The following KARS1 variants were observed in gnomAD, a reference collection of about 807,000 sequenced individuals.
KARS1 encodes the protein lysine--tRNA ligase.
A neutral mutation model predicts 63.9 loss-of-function variants in KARS1; 50 were observed. The ratio of observed to expected loss-of-function variants is 0.78; its 90% CI spans 0.62 to 0.99. KARS1 has a LOEUF of 0.99. Ranked by LOEUF, KARS1 falls within the 50% of genes least tolerant of loss-of-function variation. The probability of loss-of-function intolerance (pLI) is 0.00; values close to 1 mark genes in which losing one functional copy is unlikely to be tolerated. For synonymous variants in KARS1, 320 were observed against 264.6 expected (o/e 1.21, Z -2.03); for missense variants, 816 against 754.5 (o/e 1.08, Z -0.95).
In KARS1 at chr16:75,631,813, G is replaced by A. The variant is rs2082117838; in HGVS notation, c.958C>T (p.Arg320Cys). The A allele has an allele frequency of 3.7e-6, 6 of 1,614,066 alleles. No individual in the cohort carries two copies. The highest frequency in any genetic ancestry group is 5.1e-6 in the Non-Finnish European group (6 of 1,180,010). Residue 320 changes from arginine (R) to cysteine (C), a missense_variant, in exon 8 of 14, where the codon CGC becomes TGC. By Grantham distance (180) the Arg-to-Cys change is radical. Transcript: ENST00000302445. ...TCAATCCCCTCATTCCGGAACTGGCGTCCAATTTCATAAACCCGGTCGATG... is the reference window on the plus strand; with the variant it reads ...TCAATCCCCTCATTCCGGAACTGGCATCCAATTTCATAAACCCGGTCGATG... ...GGIDRVYEIG[R>C]QFRNEGIDLT...
At chr16:75,631,935 T>A in intron 7 of KARS1, 80 bp from the exon 8 acceptor site, 2 of 1,514,698 alleles carry the variant, frequency 1.3e-6, no homozygotes, top group Non-Finnish European at 1.8e-6. Context: ...TTGCCTAGGC[T>A]GGAGTGCAAT....
At chr16:75,637,392 T>A (rs1456955437) in intron 3 of KARS1, among the ~76,000 whole-genome samples, 1 of 151,948 alleles carries the variant, frequency 6.6e-6, no homozygotes, top group African/African-American at 2.4e-5. Context: ...CTGGAAAATG[T>A]GAACCTTTTC....
In KARS1 at chr16:75,634,258, C is replaced by T. The variant is rs1319562499; in HGVS notation, c.830G>A (p.Gly277Glu). The T allele has an allele frequency of 2.5e-6, 4 of 1,613,766 alleles. No homozygotes were observed. Among genetic ancestry groups the T allele is most frequent in the African/African-American group, 1.3e-5 (1 of 74,908 alleles). ...ETPMMNIIPG[G>E]AVAKPFITYH... is the part of the protein sequence containing the mutation. ...AGTGATGAAAGGCTTGGCCACGGCT[C>T]CCCCTGGGATGATGTTCATCATGGG... Residue 277 changes from glycine (G) to glutamate (E), a missense_variant, in exon 7 of 14, where the codon GGA becomes GAA. Gly to Glu is a moderately conservative substitution (Grantham distance 98, BLOSUM62 -2). Transcript: ENST00000302445.
At chr16:75,647,453 C>G in intron 1 of KARS1, 125 bp downstream of exon 1, 1 of 892,632 alleles carries the variant, frequency 1.1e-6, no homozygotes, top group South Asian at 1.4e-5. Context: ...CACGTCTCAG[C>G]ATGTGCGTAC....
chr16:75,641,057 T>G (rs1475267680), intron 2 of KARS1, among the ~76,000 whole-genome samples: 1 of 151,976 alleles, frequency 6.6e-6, no homozygotes, highest in Admixed American at 6.6e-5. Flanking sequence ...TAATACCAGT[T>G]ACTTGGGAGG....
intron 1 of KARS1, among the ~76,000 whole-genome samples, chr16:75,646,374 C>G (rs771728133): frequency 4.6e-5 from 7 of 151,926 alleles, no homozygotes; most frequent in Non-Finnish European, 1.0e-4. Flanking sequence ...AACCCTGTCT[C>G]TACTAAAAAT....
rs78654839 is a variant in KARS1 at position 75,627,869 on chromosome 16, G to A, written c.*26C>T. On this transcript the variant is annotated 3_prime_UTR_variant, in exon 14 of 14. Coordinates refer to ENST00000302445, the MANE Select transcript of KARS1 (RefSeq NM_005548.3). ...TTCGCAGAAATGCAAAGACGCCTGA[G>A]TTATACAACTTGCAATTATTATTTT... 38 of 1,293,424 alleles carry A rather than the reference G, an allele frequency of 2.9e-5. No homozygotes were observed. The South Asian group carries it at 3.9e-4, about 13-fold the overall frequency. 80.1% of individuals were successfully genotyped at this position (1,293,424 alleles called of 1,614,324 possible). A position where few individuals can be genotyped will look rare whatever the true frequency, so the allele number is the denominator to read the frequency against.
At position 75,641,798 on chromosome 16, in the gene KARS1, CA is replaced by C. The variant is rs2082228201; in HGVS notation, c.63-76del. 5 of 1,498,612 alleles carry C rather than the reference CA, an allele frequency of 3.3e-6. No homozygotes were observed. In the Admixed American group the frequency reaches 8.4e-5, roughly 25 times the overall value. The allele number at this position is 1,498,612 out of a possible 1,614,324, so 92.8% of individuals were successfully genotyped here. A position where few individuals can be genotyped will look rare whatever the true frequency, so the allele number is the denominator to read the frequency against. ...CTATGTTCTGCCCCTAGCAACTTAT[CA>C]AAAACATGAATCGCCCAGGAGAAAC... On this transcript the variant is annotated intron_variant, in intron 1 of 13. Coordinates refer to ENST00000302445, the MANE Select transcript of KARS1 (RefSeq NM_005548.3).
intron 3 of KARS1, among the ~76,000 whole-genome samples, chr16:75,638,978 G>A (rs1434631902): frequency 1.3e-5 from 2 of 151,902 alleles, no homozygotes; most frequent in African/African-American, 4.8e-5. Context: ...GACCAGCCTG[G>A]CCAACATGGT....
At position 75,640,436 on chromosome 16, in the gene KARS1, C is replaced by T. The variant is rs1019774910; in HGVS notation, c.223-87G>A. 5 of 1,176,994 alleles carry T rather than the reference C, an allele frequency of 4.2e-6. No homozygotes were observed. The African/African-American group carries it at 6.1e-5, about 14-fold the overall frequency. The allele number at this position is 1,176,994 out of a possible 1,614,324, so 72.9% of individuals were successfully genotyped here. On this transcript the variant is annotated intron_variant, in intron 2 of 13. Coordinates refer to ENST00000302445, the MANE Select transcript of KARS1 (RefSeq NM_005548.3). ...CACCTAGCAGAGGGCAGTATTCTGC[C>T]CCCGAGTGACCCCAATACATTGTTT...
At position 75,631,782 on chromosome 16, in the gene KARS1, G is replaced by A. The variant is rs765748296; in HGVS notation, c.989C>T (p.Thr330Met). 5.0e-5 allele frequency: 80 copies of A among 1,613,942 alleles called. No individual in the cohort carries two copies. The highest frequency in any genetic ancestry group is 1.7e-4 in the Admixed American group (10 of 60,004). The stretch of plus-strand genomic sequence containing the variant: ...ACAGGTGGTGAACTCAGGATTGTGC[G>A]TCAAATCAATCCCCTCATTCCGGAA... ...RQFRNEGIDLTHNPEFTTCEF... is the reference protein window; with the variant it reads ...RQFRNEGIDLMHNPEFTTCEF... Residue 330 changes from threonine (T) to methionine (M), a missense_variant, in exon 8 of 14, where the codon ACG becomes ATG. Physicochemically the swap from Thr to Met is moderately conservative, Grantham distance 81. Transcript: ENST00000302445.
intron 10 of KARS1, among the ~76,000 whole-genome samples, 183 bp downstream of exon 10, chr16:75,630,985 T>C (rs1432351936): frequency 5.9e-5 from 9 of 152,168 alleles, no homozygotes; most frequent in Non-Finnish European, 4.4e-5. Flanking sequence ...ATCACACACA[T>C]AAATTATTTG....
chr16:75,639,911 A>G (rs770445424), intron 3 of KARS1: 5 of 471,556 alleles, frequency 1.1e-5, no homozygotes, highest in Non-Finnish European at 1.9e-5. Context: ...AATTCTTAGA[A>G]GCCTGAGACT....
chr16:75,637,746 TC>T (rs2082177563), intron 3 of KARS1, among the ~76,000 whole-genome samples: 1 of 138,360 alleles, frequency 7.2e-6, no homozygotes, highest in African/African-American at 2.8e-5. Context: ...GGCATTGCAC[TC>T]CAGCCTGGGC....
chr16:75,634,920 G>A (rs981301522), intron 6 of KARS1, among the ~76,000 whole-genome samples: 3 of 152,158 alleles, frequency 2.0e-5, no homozygotes, highest in Non-Finnish European at 2.9e-5. Context: ...TGAAGGTAGT[G>A]AGTTATCTCA....
Position 75,636,446 on chromosome 16 carries a change from C to G in KARS1, c.482+8G>C. 6.3e-7 allele frequency: 1 copy of G among 1,582,304 alleles called. No homozygotes were observed. The highest frequency in any genetic ancestry group is 8.7e-7 in the Non-Finnish European group (1 of 1,151,146). The stretch of plus-strand genomic sequence containing the variant: ...AAGAAAGGTCTATAACTGGGTATTT[C>G]GAGATACCTGGAATTGGCCATGACT... On this transcript the variant is annotated splice_region_variant and intron_variant, in intron 4 of 13. Transcript: ENST00000302445.
At position 75,631,605 on chromosome 16, in the gene KARS1, G is replaced by A; in HGVS notation, c.1079-16C>T. The A allele has an allele frequency of 6.2e-7, 1 of 1,614,080 alleles. No homozygotes were observed. The highest frequency in any genetic ancestry group is 1.1e-5 in the South Asian group (1 of 91,078). ...TTCACCATCCCTGGGAGAGAAACCT[G>A]TTATTTAGCGGGAATGAAATCCAGG... On this transcript the variant is annotated splice_polypyrimidine_tract_variant and intron_variant, in intron 8 of 13. Coordinates refer to ENST00000302445, the MANE Select transcript of KARS1 (RefSeq NM_005548.3).
intron 5 of KARS1, 22 bp downstream of exon 5, chr16:75,635,890 C>G (rs201206783): frequency 3.2e-5 from 52 of 1,613,540 alleles, no homozygotes; most frequent in Non-Finnish European, 3.9e-5. Context: ...GAGGCCACAG[C>G]TAGGAGGCCA....
Position 75,629,572 on chromosome 16 carries a change from A to G in KARS1, c.1425-31T>C, listed in dbSNP as rs185621048. The stretch of plus-strand genomic sequence containing the variant: ...GACAGGAGACCAAAGAGGAGGCTGA[A>G]TATAGAGGCCCCTAATGAGCTAAAT... On this transcript the variant is annotated intron_variant, in intron 11 of 13. Coordinates refer to ENST00000302445, the MANE Select transcript of KARS1 (RefSeq NM_005548.3). 88 of 1,612,856 alleles carry G rather than the reference A, an allele frequency of 5.5e-5. No individual in the cohort carries two copies. In the Admixed American group the frequency reaches 1.4e-3, roughly 25 times the overall value.
Sources: allele counts gnomAD v4.1 joint callset (sites outside exome capture counted in the v4.1 genomes callset), GRCh38; gene constraint gnomAD v4.1.1; transcripts MANE v1.5; gene names NCBI Gene and HGNC (gene_info 2026-07-23, HGNC 2026-07-21).